Variants in ABCC4 observed in about 807,000 individuals in gnomAD.
The protein encoded by ABCC4 is ATP binding cassette subfamily C member 4 (PEL blood group), also known as ATP-binding cassette sub-family C member 4.
Under a neutral mutation model 168.5 loss-of-function variants are expected in ABCC4, and 102 were observed. That is an observed-to-expected ratio of 0.61 (90% confidence interval 0.52 to 0.71). ABCC4 has a LOEUF of 0.71. ABCC4 is among the 30% of genes least tolerant of loss of function. The pLI is 0.00. For missense variants in ABCC4, 1,402 were observed against 1,605.8 expected, an observed-to-expected ratio of 0.87 and a Z score of 2.17; for synonymous variants, 617 against 590.7, an observed-to-expected ratio of 1.04 and a Z score of -0.65.
chr13:95,062,650 T>C, intron 26 of ABCC4, 54 bp downstream of exon 26: 1 of 1,483,812 alleles, frequency 6.7e-7, no homozygotes, highest in Non-Finnish European at 9.1e-7. Flanking sequence ...TAAAAGCAAT[T>C]AAACATAGTA....
intron 19 of ABCC4, among the ~76,000 whole-genome samples, chr13:95,122,492 T>C (rs1271586629): frequency 6.6e-6 from 1 of 152,212 alleles, no homozygotes; most frequent in Non-Finnish European, 1.5e-5. Flanking sequence ...CTCATTTACA[T>C]CCTTATTTAT....
At chr13:95,197,343 C>T (rs1751021) in intron 8 of ABCC4, among the ~76,000 whole-genome samples, 47,482 of 152,074 alleles carry the variant, frequency 0.31, 8,614 homozygotes, top group African/African-American at 0.51. Context: ...CTGAAGTGTA[C>T]GACCAAGACA....
chr13:95,029,503 G>A (rs2031765861), intron 30 of ABCC4, among the ~76,000 whole-genome samples: 1 of 152,106 alleles, frequency 6.6e-6, no homozygotes, highest in South Asian at 2.1e-4. Flanking sequence ...GCGTGATGAA[G>A]GGCAGGTGTG....
intron 21 of ABCC4, among the ~76,000 whole-genome samples, chr13:95,080,579 T>A (rs2034061953): frequency 6.6e-6 from 1 of 152,120 alleles, no homozygotes; most frequent in South Asian, 2.1e-4. Flanking sequence ...GTTCAAGAGA[T>A]TCTCATGTCT....
chr13:95,192,654 A>G (rs1453970002), intron 9 of ABCC4, among the ~76,000 whole-genome samples: 2 of 152,170 alleles, frequency 1.3e-5, no homozygotes, highest in Non-Finnish European at 2.9e-5. Context: ...ACGGTGGCTC[A>G]TGCCTGCAAT....
chr13:95,071,946 A>C (rs527742568), intron 24 of ABCC4, 93 bp from the exon 25 acceptor site: 1 of 1,047,204 alleles, frequency 9.5e-7, no homozygotes, highest in Admixed American at 3.1e-5. Flanking sequence ...TCTTTCATAC[A>C]TAGTTGGTTA....
intron 8 of ABCC4, among the ~76,000 whole-genome samples, chr13:95,197,702 C>CA (rs1302867544): frequency 6.6e-6 from 1 of 152,150 alleles, no homozygotes; most frequent in African/African-American, 2.4e-5. Flanking sequence ...GGACGGTTGG[C>CA]AAAAACTGAA....
chr13:95,149,900 A>C (rs1341475674), intron 19 of ABCC4, among the ~76,000 whole-genome samples: 1 of 152,208 alleles, frequency 6.6e-6, no homozygotes, highest in Non-Finnish European at 1.5e-5. Flanking sequence ...TTCCACCTGA[A>C]GTTCAGAGAG....
At chr13:95,271,846 G>T (rs1324057086) in intron 1 of ABCC4, among the ~76,000 whole-genome samples, 1 of 152,152 alleles carries the variant, frequency 6.6e-6, no homozygotes, top group Non-Finnish European at 1.5e-5. Flanking sequence ...CTGGAAAACA[G>T]ACGGGACTCA....
intron 4 of ABCC4, among the ~76,000 whole-genome samples, chr13:95,218,881 AGACAGACAGATGAGAGAGAGAG>A: frequency 8.1e-6 from 1 of 123,342 alleles, no homozygotes; most frequent in African/African-American, 3.3e-5. Context: ...AAAAGAAAAG[AGACAGACAGATGAGAGAGAGAG>A]AAAGAGAGAG....
intron 19 of ABCC4, among the ~76,000 whole-genome samples, chr13:95,116,948 C>T (rs1473109129): frequency 6.6e-5 from 10 of 152,140 alleles, no homozygotes; most frequent in African/African-American, 2.4e-5. Context: ...GGATTGACTT[C>T]GTCCTGGGGC....
At position 95,266,786 on chromosome 13, in the gene ABCC4, T is replaced by C. The variant is rs543011533; in HGVS notation, c.75-19033A>G. ...CTCTCTCCTGTTTCTGTGCACTGCA[T>C]TACCAGCTGATATGGTTTGGTTGTG... is the stretch of plus-strand genomic sequence containing the variant. On this transcript the variant is annotated intron_variant, in intron 1 of 30. Transcript: ENST00000645237. 4.6e-5 allele frequency among the ~76,000 whole-genome samples: 7 copies of C among 151,996 alleles called. No individual in the cohort carries two copies. The East Asian group carries it at 1.4e-3, about 29-fold the overall frequency.
chr13:95,269,351 A>G (rs1166419516), intron 1 of ABCC4: 2 of 454,564 alleles, frequency 4.4e-6, no homozygotes, highest in South Asian at 1.6e-5. Flanking sequence ...GCTTGAACAC[A>G]GGAGGTGGAG....
chr13:95,105,144 G>T (rs1048180155), intron 20 of ABCC4, among the ~76,000 whole-genome samples: 3 of 151,884 alleles, frequency 2.0e-5, no homozygotes, highest in Non-Finnish European at 2.9e-5. Context: ...TCAGGCACTA[G>T]ATTCTCATAA....
At chr13:95,210,044 T>C (rs1016119028) in intron 5 of ABCC4, among the ~76,000 whole-genome samples, 57 of 152,386 alleles carry the variant, frequency 3.7e-4, no homozygotes, top group African/African-American at 1.4e-3. Flanking sequence ...GTCTTATTCA[T>C]TGTCCCTGAC....
intron 19 of ABCC4, among the ~76,000 whole-genome samples, chr13:95,119,942 C>CAGGGCA (rs1471429307): frequency 1.3e-5 from 2 of 152,152 alleles, no homozygotes; most frequent in Non-Finnish European, 2.9e-5. Context: ...ACAGTGCCTC[C>CAGGGCA]CTATGCCCAC....
At chr13:95,137,495 C>A (rs1289240505) in intron 19 of ABCC4, among the ~76,000 whole-genome samples, 2 of 152,068 alleles carry the variant, frequency 1.3e-5, no homozygotes, top group Non-Finnish European at 2.9e-5. Context: ...GTCTAAAATT[C>A]TACATGGTAG....
intron 9 of ABCC4, among the ~76,000 whole-genome samples, chr13:95,193,291 C>T (rs1046507459): frequency 2.0e-5 from 3 of 152,208 alleles, no homozygotes; most frequent in African/African-American, 7.2e-5. Flanking sequence ...CAAAGAGCAC[C>T]CGGAGAGGGG....
In ABCC4 at chr13:95,074,271, C is replaced by T. The variant is rs138559279; in HGVS notation, c.2860G>A (p.Ala954Thr). 6.2e-7 allele frequency: 1 copy of T among 1,613,848 alleles called. No individual in the cohort carries two copies. The highest frequency in any genetic ancestry group is 8.5e-7 in the Non-Finnish European group (1 of 1,179,954). The change falls in exon 23 of 31, where the codon GCC (alanine) becomes ACC (threonine). Residue 954 changes from alanine to threonine, a missense_variant. Transcript: ENST00000645237. ...TSRWFAVRLD[A>T]ICAMFVIIVA... ...ATGATGACAAACATGGCACAGATGG[C>T]ATCCAGACGGACGGCAAACCAGCGG...
Sources: allele counts gnomAD v4.1 joint callset (sites outside exome capture counted in the v4.1 genomes callset), GRCh38; gene constraint gnomAD v4.1.1; transcripts MANE v1.5; gene names NCBI Gene and HGNC (gene_info 2026-07-23, HGNC 2026-07-21).